Variants in OSBPL3 observed in about 807,000 individuals in gnomAD.
OSBPL3 encodes oxysterol-binding protein-related protein 3.
A neutral mutation model predicts 120.1 loss-of-function variants in OSBPL3; 65 were observed. The observed-to-expected ratio is 0.54, with a 90% CI of 0.44 to 0.67. The LOEUF is 0.67. Among genes scored for constraint, OSBPL3 ranks in the 30% least tolerant of loss-of-function variants. OSBPL3 has a pLI of 0.00. For missense variants in OSBPL3, 1,004 were observed against 1,082.1 expected, an observed-to-expected ratio of 0.93 and a Z score of 1.01; for synonymous variants, 416 against 402.6, an observed-to-expected ratio of 1.03 and a Z score of -0.40.
intron 14 of OSBPL3, among the ~76,000 whole-genome samples, chr7:24,836,776 C>T (rs1041335932): frequency 1.3e-5 from 2 of 152,202 alleles, no homozygotes; most frequent in African/African-American, 4.8e-5. Flanking sequence ...AACAGGGCCA[C>T]ACTGTGCATC....
chr7:24,917,984 C>T (rs952257811), intron 1 of OSBPL3: 14 of 615,078 alleles, frequency 2.3e-5, no homozygotes, highest in African/African-American at 1.4e-4. Context: ...TTCAGCCTGA[C>T]GATCCTGTCT....
rs1792730148 is a variant in OSBPL3, at chr7:24,804,163, C to CT, written c.2567+151dup. On this transcript the variant is annotated intron_variant, in intron 22 of 22. Transcript: ENST00000313367. The surrounding 1 kb of genome is among the most constrained non-coding windows in gnomAD (Gnocchi z 5.4). ...TGAAGGTAAGTGCGGGGGACAGGGC[C>CT]TGGCACAGAGGAGCAGTACCCCCAC... 9 of 873,880 alleles carry CT rather than the reference C, an allele frequency of 1.0e-5. No individual in the cohort carries two copies. The highest frequency in any genetic ancestry group is 4.2e-5 in the Admixed American group (2 of 47,168). 54.1% of individuals were successfully genotyped at this position (873,880 alleles called of 1,614,324 possible).
At position 24,862,911 on chromosome 7, in the gene OSBPL3, G is replaced by C. The variant is rs1420531833; in HGVS notation, c.870+289C>G. On this transcript the variant is annotated intron_variant, in intron 9 of 22. Coordinates refer to ENST00000313367, the MANE Select transcript of OSBPL3 (RefSeq NM_015550.4). This position sits in a 1 kb window ranked among gnomAD's most constrained non-coding sequence, Gnocchi z 4.4. ...GGGAAGAGCACAGGCAGGCTCAACA[G>C]TGAAGGTGGGGAAACCAAAAGCCCT... Among the ~76,000 whole-genome samples the C allele has an allele frequency of 1.3e-5, 2 of 152,166 alleles. No individual in the cohort carries two copies. The highest frequency in any genetic ancestry group is 1.9e-4 in the East Asian group (1 of 5,188).
chr7:24,930,611 A>C lies in OSBPL3; in HGVS notation c.-149-37990T>G, dbSNP rs534896833. On this transcript the variant is annotated intron_variant, in intron 1 of 22. Transcript: ENST00000313367. This position sits in a 1 kb window ranked among gnomAD's most constrained non-coding sequence, Gnocchi z 4.4. ...CAAAGGGCCTCTTACCTAAGGGGGA[A>C]ATGAAGAATAAAGCCATCAATTCAG... Among the ~76,000 whole-genome samples, 2 of 152,294 alleles carry C rather than the reference A, an allele frequency of 1.3e-5. No individual in the cohort carries two copies. The highest frequency in any genetic ancestry group is 3.9e-4 in the East Asian group (2 of 5,178).
rs1812838838 is a variant in OSBPL3, at chr7:24,939,598, T to C, written c.-150+40288A>G. Among the ~76,000 whole-genome samples the C allele has an allele frequency of 6.6e-6, 1 of 152,212 alleles. No individual in the cohort carries two copies. The highest frequency in any genetic ancestry group is 1.5e-5 in the Non-Finnish European group (1 of 68,042). On this transcript the variant is annotated intron_variant, in intron 1 of 22. Coordinates refer to ENST00000313367, the MANE Select transcript of OSBPL3 (RefSeq NM_015550.4). This position sits in a 1 kb window ranked among gnomAD's most constrained non-coding sequence, Gnocchi z 4.2. The stretch of plus-strand genomic sequence containing the variant: ...GTCCTTGAGGACACAGTCAACCCAC[T>C]GAATTAAGCAACTCTGGAACTTCCC...
rs1278915544 is a variant in OSBPL3, at chr7:24,940,816, T to TC, written c.-150+39069_-150+39070insG. 1.7e-3 allele frequency among the ~76,000 whole-genome samples: 112 copies of TC among 64,744 alleles called. 3 individuals are homozygous for TC. The South Asian group carries it at 0.078, about 45-fold the overall frequency. The allele number at this position is 64,744 out of a possible 152,430, so 42.5% of individuals were successfully genotyped here. A position where few individuals can be genotyped will look rare whatever the true frequency, so the allele number is the denominator to read the frequency against. ...TCTTCTTAACATTTCTTCCTTTTTT[T>TC]TCTTTTTTTTTTTGTGTGTGTGTGA... On this transcript the variant is annotated intron_variant, in intron 1 of 22. Transcript: ENST00000313367. The surrounding 1 kb of genome is among the most constrained non-coding windows in gnomAD (Gnocchi z 4.4).
chr7:24,834,639 G>C lies in OSBPL3; in HGVS notation c.1593C>G (p.Ile531Met), dbSNP rs1360490362. The C allele has an allele frequency of 6.2e-7, 1 of 1,614,160 alleles. No homozygotes were observed. Among genetic ancestry groups the C allele is most frequent in the Admixed American group, 1.7e-5 (1 of 60,028 alleles). The change falls in exon 15 of 23, where the codon ATC becomes ATG. Residue 531 changes from isoleucine to methionine, a missense_variant. By Grantham distance (10) the Ile-to-Met change is conservative. Transcript: ENST00000313367. This position sits in a 1 kb window ranked among gnomAD's most constrained non-coding sequence, Gnocchi z 5.2. ...GGTCCTTCCCGATGTTGTTCCTCAG[G>C]ATGTTCCACAGGCTGATGTTACTGC... The part of the protein sequence containing the change: ...PSSSNISLWN[I>M]LRNNIGKDLS...
At chr7:24,970,952 A>G (rs932475045) in intron 1 of OSBPL3, among the ~76,000 whole-genome samples, 1 of 152,214 alleles carries the variant, frequency 6.6e-6, no homozygotes, top group African/African-American at 2.4e-5. Flanking sequence ...TCAAACCTCA[A>G]AGTAAAAGCC....
At chr7:24,832,108 G>A (rs1796438214) in intron 15 of OSBPL3, among the ~76,000 whole-genome samples, 1 of 150,854 alleles carries the variant, frequency 6.6e-6, no homozygotes, top group Non-Finnish European at 1.5e-5. Context: ...TTGGGAGGCA[G>A]AAGTGGGAGG....
rs1035094655 is a variant in OSBPL3 at position 24,955,495 on chromosome 7, G to C, written c.-150+24391C>G. On this transcript the variant is annotated intron_variant, in intron 1 of 22. Coordinates refer to ENST00000313367, the MANE Select transcript of OSBPL3 (RefSeq NM_015550.4). The surrounding 1 kb of genome is among the most constrained non-coding windows in gnomAD (Gnocchi z 4.3). The stretch of plus-strand genomic sequence containing the variant: ...TGTTCTGTGGAGGAGAGGCTACTGG[G>C]GTGGCCTCAGGGCCTTTGCACTTCT... Among the ~76,000 whole-genome samples, 1 of 152,206 alleles carries C rather than the reference G, an allele frequency of 6.6e-6. No individual in the cohort carries two copies. The highest frequency in any genetic ancestry group is 1.5e-5 in the Non-Finnish European group (1 of 68,036).
intron 1 of OSBPL3, among the ~76,000 whole-genome samples, chr7:24,963,991 G>A (rs1237971672): frequency 6.6e-6 from 1 of 152,094 alleles, no homozygotes; most frequent in Admixed American, 6.5e-5. Context: ...AGGGATACAG[G>A]AGCCAACCGA....
intron 12 of OSBPL3, among the ~76,000 whole-genome samples, chr7:24,846,349 T>C (rs1401979821): frequency 6.6e-6 from 1 of 152,222 alleles, no homozygotes; most frequent in Non-Finnish European, 1.5e-5. Flanking sequence ...TTATTTAACC[T>C]CTCTGAGCTT....
At chr7:24,843,589 C>G (rs148666896) in intron 12 of OSBPL3, among the ~76,000 whole-genome samples, 1 of 152,286 alleles carries the variant, frequency 6.6e-6, no homozygotes, top group East Asian at 1.9e-4. Flanking sequence ...CAAGTGGTCC[C>G]TTTACAAATT....
In OSBPL3 at chr7:24,872,448, A is replaced by AGAGAGT. The variant is rs912921078; in HGVS notation, c.97-380_97-379insACTCTC. ...TCAGTCTGAATTTTAACCGAAAGAG[A>AGAGAGT]GTGTGTGTGTGTGTGTGTGTGTGTG... On this transcript the variant is annotated intron_variant, in intron 2 of 22. Transcript: ENST00000313367. The surrounding 1 kb of genome is among the most constrained non-coding windows in gnomAD (Gnocchi z 4.1). 1.3e-4 allele frequency among the ~76,000 whole-genome samples: 19 copies of AGAGAGT among 144,886 alleles called. No homozygotes were observed. Among genetic ancestry groups the AGAGAGT allele is most frequent in the African/African-American group, 4.9e-4 (19 of 38,704 alleles).
rs10486432 is a variant in OSBPL3, at chr7:24,798,127, A to G, written c.*2056T>C. 0.086 allele frequency: 13,036 copies of G among 152,248 alleles called. 739 individuals are homozygous for G. The highest frequency in any genetic ancestry group is 0.14 in the South Asian group (679 of 4,818). 9.4% of individuals were successfully genotyped at this position (152,248 alleles called of 1,614,324 possible). A position where few individuals can be genotyped will look rare whatever the true frequency, so the allele number is the denominator to read the frequency against. On this transcript the variant is annotated 3_prime_UTR_variant, in exon 23 of 23. Transcript: ENST00000313367. This position sits in a 1 kb window ranked among gnomAD's most constrained non-coding sequence, Gnocchi z 4.6. The stretch of plus-strand genomic sequence containing the variant: ...CCCATCTCAAATAAGATGACTACAG[A>G]CGTAATGTTTCATCCAGTTGTCCCT...
At chr7:24,934,062 C>A (rs1812098480) in intron 1 of OSBPL3, among the ~76,000 whole-genome samples, 1 of 152,180 alleles carries the variant, frequency 6.6e-6, no homozygotes, top group Non-Finnish European at 1.5e-5. Context: ...AGAGTTCAAG[C>A]TTGTAACTGA....
At chr7:24,907,971 G>A (rs1808193905) in intron 1 of OSBPL3, among the ~76,000 whole-genome samples, 1 of 152,176 alleles carries the variant, frequency 6.6e-6, no homozygotes, top group Non-Finnish European at 1.5e-5. Flanking sequence ...TCCCATAGGA[G>A]ACTTCTGTCT....
chr7:24,863,669 C>A lies in OSBPL3; in HGVS notation c.674-70G>T, dbSNP rs1391668218. 1 of 984,068 alleles carries A rather than the reference C, an allele frequency of 1.0e-6. No homozygotes were observed. Among genetic ancestry groups the A allele is most frequent in the Non-Finnish European group, 1.6e-6 (1 of 625,850 alleles). The allele number at this position is 984,068 out of a possible 1,614,324, so 61.0% of individuals were successfully genotyped here. A position where few individuals can be genotyped will look rare whatever the true frequency, so the allele number is the denominator to read the frequency against. On this transcript the variant is annotated intron_variant, in intron 7 of 22. Coordinates refer to ENST00000313367, the MANE Select transcript of OSBPL3 (RefSeq NM_015550.4). This position sits in a 1 kb window ranked among gnomAD's most constrained non-coding sequence, Gnocchi z 5.8. ...GAGGGATCACTGTGCTGTCCCCATG[C>A]CAGCTACTTTTCCTTATTTATCTGT... is the stretch of plus-strand genomic sequence containing the variant.
Position 24,891,004 on chromosome 7 carries a change from G to A in OSBPL3, c.96+1373C>T, listed in dbSNP as rs962229398. 3.3e-5 allele frequency among the ~76,000 whole-genome samples: 5 copies of A among 152,118 alleles called. No individual in the cohort carries two copies. Among genetic ancestry groups the A allele is most frequent in the Non-Finnish European group, 7.3e-5 (5 of 68,028 alleles). On this transcript the variant is annotated intron_variant, in intron 2 of 22. Coordinates refer to ENST00000313367, the MANE Select transcript of OSBPL3 (RefSeq NM_015550.4). The surrounding 1 kb of genome is among the most constrained non-coding windows in gnomAD (Gnocchi z 4.1). ...AATCATGTTCTCCCCCTTTATCAAAGAAGGACATAACAACCCCTAGGTGTA... is the reference window on the plus strand; with the variant it reads ...AATCATGTTCTCCCCCTTTATCAAAAAAGGACATAACAACCCCTAGGTGTA...
Sources: gnomAD v4.1 joint callset for allele counts (sites outside exome capture counted in the v4.1 genomes callset) on GRCh38, gnomAD v4.1.1 for gene constraint, Gnocchi (gnomAD v3.1) non-coding constraint, MANE v1.5 for transcripts, NCBI Gene and HGNC (gene_info 2026-07-23, HGNC 2026-07-21) for gene names.